DLGAP4: variants seen among roughly 807,000 people sequenced by gnomAD.
The protein encoded by DLGAP4 is disks large-associated protein 4.
Under a neutral mutation model 86.9 loss-of-function variants are expected in DLGAP4, and 18 were observed. The observed-to-expected ratio is 0.21, with a 90% CI of 0.14 to 0.31. The LOEUF (loss-of-function observed/expected upper bound fraction) is 0.31, where lower values mean the gene tolerates loss of function less well. DLGAP4 is among the 10% of genes least tolerant of loss of function. DLGAP4 has a pLI of 1.00. For missense variants in DLGAP4, 1,085 were observed against 1,362.6 expected (o/e 0.80, Z 3.21); for synonymous variants, 548 against 574.3 (o/e 0.95, Z 0.65).
chr20:36,498,944 C>A, intron 8 of DLGAP4: 1 of 359,452 alleles, frequency 2.8e-6, no homozygotes, highest in Non-Finnish European at 5.1e-6. Flanking sequence ...CTACTGCTCC[C>A]CAGGGCCACC....
chr20:36,519,628 C>T, intron 10 of DLGAP4, among the ~76,000 whole-genome samples: 1 of 152,166 alleles, frequency 6.6e-6, no homozygotes, highest in East Asian at 1.9e-4. Flanking sequence ...ATTGGTTGAT[C>T]ATGTGGCAGA....
At chr20:36,414,139 G>T (rs1411446327) in intron 2 of DLGAP4, among the ~76,000 whole-genome samples, 1 of 152,104 alleles carries the variant, frequency 6.6e-6, no homozygotes, top group Non-Finnish European at 1.5e-5. Context: ...AGATGAAAAA[G>T]GTGACTTGCC....
chr20:36,427,017 A>C (rs77181170), intron 2 of DLGAP4, among the ~76,000 whole-genome samples: 1 of 132,170 alleles, frequency 7.6e-6, no homozygotes, highest in African/African-American at 2.9e-5. Context: ...TGTCTGTACC[A>C]AAAAAAAAAA....
intron 1 of DLGAP4, among the ~76,000 whole-genome samples, chr20:36,319,103 A>C (rs1173427182): frequency 1.3e-5 from 2 of 151,838 alleles, no homozygotes; most frequent in African/African-American, 2.4e-5. Context: ...AGATTGTGCC[A>C]CTGCACTCCA....
chr20:36,330,296 A>G (rs1436493974), intron 1 of DLGAP4, among the ~76,000 whole-genome samples: 1 of 152,064 alleles, frequency 6.6e-6, no homozygotes, highest in African/African-American at 2.4e-5. Context: ...GGGGGCTCCA[A>G]CTATCGTGGT....
At chr20:36,447,088 T>G in intron 7 of DLGAP4, 151 bp downstream of exon 7, 1 of 1,423,056 alleles carries the variant, frequency 7.0e-7, no homozygotes, top group Non-Finnish European at 9.2e-7. Flanking sequence ...GCAGGAGGCC[T>G]TGGAGCTGAA....
intron 1 of DLGAP4, among the ~76,000 whole-genome samples, chr20:36,361,003 C>T (rs1032968688): frequency 9.9e-5 from 15 of 151,628 alleles, no homozygotes; most frequent in Non-Finnish European, 1.5e-4. Context: ...GGTGGTGATT[C>T]GAGTCGTGGG....
rs755196802 is a variant in DLGAP4 at position 36,499,684 on chromosome 20, G to A, written c.2099+8G>A. 1.2e-5 allele frequency: 20 copies of A among 1,611,818 alleles called. No homozygotes were observed. The highest frequency in any genetic ancestry group is 3.3e-5 in the Admixed American group (2 of 59,702). On this transcript the variant is annotated splice_region_variant and intron_variant, in intron 9 of 12. Transcript: ENST00000339266. ...GGTAGAGGACGACTGGCGGTAAGTC[G>A]GACAGAGGTGGCGGCTGCTTCTCCC... is the stretch of plus-strand genomic sequence containing the variant.
chr20:36,472,070 C>A (rs562527347), intron 7 of DLGAP4, among the ~76,000 whole-genome samples: 9 of 152,168 alleles, frequency 5.9e-5, no homozygotes, highest in Non-Finnish European at 1.3e-4. Context: ...GCCTCCTCCC[C>A]CAAGCCAGCA....
chr20:36,330,490 CTCA>C, intron 1 of DLGAP4, among the ~76,000 whole-genome samples: 1 of 152,038 alleles, frequency 6.6e-6, no homozygotes, highest in East Asian at 1.9e-4. Flanking sequence ...CCTTAGTTTC[CTCA>C]TCTGTAAAAT....
chr20:36,414,442 T>G (rs1031435131), intron 2 of DLGAP4, among the ~76,000 whole-genome samples: 2 of 151,972 alleles, frequency 1.3e-5, no homozygotes, highest in African/African-American at 2.4e-5. Flanking sequence ...ACCAGGGTGG[T>G]TTTTGGTATT....
At chr20:36,406,562 A>G (rs950399320) in intron 2 of DLGAP4, among the ~76,000 whole-genome samples, 1 of 151,346 alleles carries the variant, frequency 6.6e-6, no homozygotes, top group Non-Finnish European at 1.5e-5. Context: ...GGGGTGACGG[A>G]GCACCTGTGG....
intron 10 of DLGAP4, among the ~76,000 whole-genome samples, chr20:36,519,022 C>T (rs917846329): frequency 1.3e-5 from 2 of 151,576 alleles, no homozygotes; most frequent in African/African-American, 4.9e-5. Flanking sequence ...GAGACTGAGG[C>T]AGGAGAATCG....
At chr20:36,322,853 C>T (rs2065182174) in intron 1 of DLGAP4, among the ~76,000 whole-genome samples, 1 of 152,104 alleles carries the variant, frequency 6.6e-6, no homozygotes, top group African/African-American at 2.4e-5. Flanking sequence ...ATATCTCACC[C>T]TTGTAACTAC....
At chr20:36,340,482 A>G (rs1011261875) in intron 1 of DLGAP4, among the ~76,000 whole-genome samples, 3 of 152,002 alleles carry the variant, frequency 2.0e-5, no homozygotes, top group Middle Eastern at 3.2e-3. Flanking sequence ...GGCAGGAAAC[A>G]CCAGGGGCTT....
intron 7 of DLGAP4, among the ~76,000 whole-genome samples, chr20:36,491,346 A>G (rs1385849810): frequency 2.0e-5 from 3 of 152,166 alleles, no homozygotes; most frequent in Non-Finnish European, 4.4e-5. Flanking sequence ...AGGCTGGGCT[A>G]GATACCTGGG....
chr20:36,485,231 A>G (rs1362391701), intron 7 of DLGAP4, among the ~76,000 whole-genome samples: 1 of 152,044 alleles, frequency 6.6e-6, no homozygotes, highest in East Asian at 1.9e-4. Context: ...AAAATTAAAA[A>G]TGAGCCAGGC....
intron 2 of DLGAP4, among the ~76,000 whole-genome samples, chr20:36,419,108 ATT>A (rs1432845357): frequency 6.6e-6 from 1 of 151,068 alleles, no homozygotes; most frequent in Non-Finnish European, 1.5e-5. Flanking sequence ...TTCGTGACCT[ATT>A]TCTTTCTTTC....
intron 2 of DLGAP4, among the ~76,000 whole-genome samples, chr20:36,403,346 A>G (rs955283064): frequency 1.1e-4 from 17 of 152,194 alleles, no homozygotes; most frequent in Non-Finnish European, 2.4e-4. Context: ...CTCATGACCT[A>G]AACACATCTT....
Sources: allele counts gnomAD v4.1 joint callset (sites outside exome capture counted in the v4.1 genomes callset), GRCh38; gene constraint gnomAD v4.1.1; transcripts MANE v1.5; gene names NCBI Gene and HGNC (gene_info 2026-07-23, HGNC 2026-07-21).